Variants in IFT57 observed in about 807,000 individuals in gnomAD.
IFT57 encodes the protein intraflagellar transport 57.
In IFT57, 59 loss-of-function variants were observed where a neutral mutation model predicts 56.8. That is an observed-to-expected ratio of 1.04 (90% CI 0.84 to 1.29). The LOEUF (loss-of-function observed/expected upper bound fraction) is 1.29. Ranked by LOEUF, IFT57 falls within the 50% of genes most tolerant of loss-of-function variation. The probability of loss-of-function intolerance (pLI) is 0.00; values close to 1 mark genes in which losing one functional copy is unlikely to be tolerated. For synonymous variants in IFT57, 209 were observed against 186.1 expected (o/e 1.12, Z -1.00); for missense variants, 470 against 522.1 (o/e 0.90, Z 0.97).
intron 4 of IFT57, among the ~76,000 whole-genome samples, chr3:108,208,536 C>T (rs1044285612): frequency 1.3e-5 from 2 of 152,104 alleles, no homozygotes; most frequent in African/African-American, 4.8e-5. Flanking sequence ...TGCTGTTTCT[C>T]CTACAGCCAG....
intron 1 of IFT57, 127 bp from the exon 2 acceptor site, chr3:108,219,699 T>A: frequency 1.1e-6 from 1 of 911,106 alleles, no homozygotes; most frequent in Non-Finnish European, 1.7e-6. Flanking sequence ...TCAAAAGACC[T>A]CGATAATTCA....
chr3:108,206,237 T>C (rs1289415011), intron 5 of IFT57, among the ~76,000 whole-genome samples: 2 of 150,394 alleles, frequency 1.3e-5, no homozygotes, highest in African/African-American at 4.9e-5. Flanking sequence ...CCTACCAGTC[T>C]TAATCCATTT....
chr3:108,180,145 A>G (rs2080144419), intron 6 of IFT57, among the ~76,000 whole-genome samples: 1 of 152,012 alleles, frequency 6.6e-6, no homozygotes, highest in Non-Finnish European at 1.5e-5. Flanking sequence ...CTCTAAATAT[A>G]ATACCTTTTA....
chr3:108,170,907 T>A (rs1175569165), intron 6 of IFT57, among the ~76,000 whole-genome samples: 1 of 151,952 alleles, frequency 6.6e-6, no homozygotes, highest in Non-Finnish European at 1.5e-5. Flanking sequence ...GGGGAAAGGA[T>A]TCCCTATTTA....
intron 5 of IFT57, among the ~76,000 whole-genome samples, 187 bp downstream of exon 5, chr3:108,206,437 CCTCA>C (rs1283110398): frequency 1.3e-5 from 2 of 151,876 alleles, no homozygotes; most frequent in Non-Finnish European, 2.9e-5. Context: ...CAGGAGGCTG[CCTCA>C]CTCACTCCTC....
At chr3:108,184,765 A>T (rs2080171614) in intron 6 of IFT57, among the ~76,000 whole-genome samples, 1 of 152,176 alleles carries the variant, frequency 6.6e-6, no homozygotes, top group Non-Finnish European at 1.5e-5. Context: ...AATCATGTCC[A>T]AGTGAGCAGT....
intron 6 of IFT57, among the ~76,000 whole-genome samples, chr3:108,177,551 C>T (rs1222648192): frequency 6.6e-6 from 1 of 151,364 alleles, no homozygotes; most frequent in Admixed American, 6.6e-5. Context: ...GTTAGTTTAA[C>T]ACCAAAAAAA....
chr3:108,181,795 G>A (rs1898027), intron 6 of IFT57, among the ~76,000 whole-genome samples: 133,247 of 152,094 alleles, frequency 0.88, 59,409 homozygotes, highest in Non-Finnish European at 0.97. Context: ...ATTGAGCCAC[G>A]TGGAGACCGA....
chr3:108,202,064 T>C (rs1234041783), intron 5 of IFT57, among the ~76,000 whole-genome samples: 2 of 152,224 alleles, frequency 1.3e-5, no homozygotes, highest in Non-Finnish European at 2.9e-5. Context: ...ACCTCAAATT[T>C]AGCATCTCAA....
intron 6 of IFT57, among the ~76,000 whole-genome samples, chr3:108,187,980 G>A (rs538197781): frequency 6.6e-6 from 1 of 150,614 alleles, no homozygotes; most frequent in South Asian, 2.1e-4. Flanking sequence ...GGGTACATGT[G>A]CACAATGTGC....
intron 5 of IFT57, among the ~76,000 whole-genome samples, chr3:108,192,562 G>A (rs2080222344): frequency 6.6e-6 from 1 of 151,888 alleles, no homozygotes; most frequent in Non-Finnish European, 1.5e-5. Flanking sequence ...ATGATTTAAA[G>A]ATAAAATCTA....
At chr3:108,170,213 CTGTT>C (rs2080085614) in intron 6 of IFT57, among the ~76,000 whole-genome samples, 1 of 152,128 alleles carries the variant, frequency 6.6e-6, no homozygotes, top group South Asian at 2.1e-4. Context: ...CAAATTGTCT[CTGTT>C]TGCAGATAAC....
intron 4 of IFT57, among the ~76,000 whole-genome samples, chr3:108,207,097 C>T (rs957169324): frequency 7.2e-5 from 11 of 151,978 alleles, no homozygotes; most frequent in Admixed American, 7.2e-4. Flanking sequence ...CTGAAATGGA[C>T]AAAAATGAGA....
At chr3:108,178,285 C>T (rs1388063886) in intron 6 of IFT57, among the ~76,000 whole-genome samples, 2 of 151,702 alleles carry the variant, frequency 1.3e-5, no homozygotes, top group Non-Finnish European at 2.9e-5. Flanking sequence ...AAGAATCAAA[C>T]TTAGATGGAT....
chr3:108,197,829 T>C (rs1215583018), intron 5 of IFT57, among the ~76,000 whole-genome samples: 1 of 152,162 alleles, frequency 6.6e-6, no homozygotes, highest in Non-Finnish European at 1.5e-5. Context: ...TACTAGCTGT[T>C]GGTCAAGTTA....
intron 2 of IFT57, 46 bp from the exon 3 acceptor site, chr3:108,218,699 C>A: frequency 1.1e-6 from 1 of 881,380 alleles, no homozygotes. Flanking sequence ...TAGTTATACT[C>A]CAAATGTCAA....
intron 1 of IFT57, 39 bp downstream of exon 1, chr3:108,222,072 C>T: frequency 6.4e-7 from 1 of 1,559,300 alleles, no homozygotes; most frequent in Non-Finnish European, 8.7e-7. Context: ...TCCCTGGGGG[C>T]TAGCAGGCAC....
chr3:108,221,640 T>C (rs1401397153), intron 1 of IFT57, among the ~76,000 whole-genome samples: 1 of 152,210 alleles, frequency 6.6e-6, no homozygotes, highest in African/African-American at 2.4e-5. Flanking sequence ...CCCAGTTGTA[T>C]GAACAGGGTC....
Position 108,165,785 on chromosome 3 carries a change from C to T in IFT57, c.982-292G>A, listed in dbSNP as rs545019936. Among the ~76,000 whole-genome samples, 41 of 152,148 alleles carry T rather than the reference C, an allele frequency of 2.7e-4. 3 individuals carry two copies. The highest frequency in any genetic ancestry group is 9.1e-4 in the African/African-American group (38 of 41,538). On this transcript the variant is annotated intron_variant, in intron 8 of 10. Transcript: ENST00000264538. ...AAAACTGTCCTTGGTCATTCCTAAA[C>T]AGTTTAGGAGAGGGGCTCTTGGTCA...
Sources: gnomAD v4.1 joint callset for allele counts (sites outside exome capture counted in the v4.1 genomes callset) on GRCh38, gnomAD v4.1.1 for gene constraint, MANE v1.5 for transcripts, NCBI Gene and HGNC (gene_info 2026-07-23, HGNC 2026-07-21) for gene names.